The following SH3RF3 variants were observed in gnomAD, a reference collection of about 807,000 sequenced individuals.
The protein encoded by SH3RF3 is E3 ubiquitin-protein ligase SH3RF3.
A neutral mutation model predicts 66.3 loss-of-function variants in SH3RF3; 29 were observed. The ratio of observed to expected loss-of-function variants is 0.44; its 90% CI spans 0.33 to 0.60. The LOEUF is 0.60. Ranked by LOEUF, SH3RF3 falls within the 20% of genes least tolerant of loss-of-function variation. The pLI is 0.04. For synonymous variants in SH3RF3, 583 were observed against 532.0 expected (o/e 1.10, Z -1.32); for missense variants, 1,194 against 1,190.9 (o/e 1.00, Z -0.04).
chr2:109,431,819 T>C (rs1201943279), intron 5 of SH3RF3, among the ~76,000 whole-genome samples: 1 of 152,030 alleles, frequency 6.6e-6, no homozygotes, highest in Non-Finnish European at 1.5e-5. Context: ...TGCAGTGAGC[T>C]ATGCTTGTAC....
intron 1 of SH3RF3, among the ~76,000 whole-genome samples, chr2:109,203,093 A>G (rs554826359): frequency 1.3e-5 from 2 of 152,190 alleles, no homozygotes; most frequent in Admixed American, 1.3e-4. Flanking sequence ...AGCCTGGAAC[A>G]CTGGTGGCCC....
At chr2:109,276,991 G>C (rs1203750645) in intron 1 of SH3RF3, among the ~76,000 whole-genome samples, 1 of 152,132 alleles carries the variant, frequency 6.6e-6, no homozygotes, top group East Asian at 1.9e-4. Context: ...AGGAGCAGTG[G>C]GCAAATGGAC....
At chr2:109,497,620 G>A (rs972949776) in intron 9 of SH3RF3, among the ~76,000 whole-genome samples, 1 of 152,160 alleles carries the variant, frequency 6.6e-6, no homozygotes, top group African/African-American at 2.4e-5. Context: ...ACACGACAAC[G>A]GCGCTCTGTG....
At chr2:109,172,948 T>C (rs552089585) in intron 1 of SH3RF3, among the ~76,000 whole-genome samples, 1 of 152,388 alleles carries the variant, frequency 6.6e-6, no homozygotes, top group South Asian at 2.1e-4. Context: ...GACTGGTAGC[T>C]GTGGGAACAC....
intron 4 of SH3RF3, among the ~76,000 whole-genome samples, chr2:109,416,630 G>A (rs560335974): frequency 6.6e-6 from 1 of 151,658 alleles, no homozygotes; most frequent in East Asian, 2.0e-4. Context: ...TGATCTGCCC[G>A]CCTCAGCCTC....
intron 1 of SH3RF3, among the ~76,000 whole-genome samples, chr2:109,189,736 G>A (rs927932530): frequency 6.6e-6 from 1 of 152,146 alleles, no homozygotes; most frequent in African/African-American, 2.4e-5. Context: ...TTTTAGGTTT[G>A]CATCATTATC....
chr2:109,391,915 T>G (rs542830223), intron 3 of SH3RF3, among the ~76,000 whole-genome samples: 1 of 152,114 alleles, frequency 6.6e-6, no homozygotes, highest in South Asian at 2.1e-4. Flanking sequence ...CCTCTCAGGC[T>G]CAAGCGATCC....
intron 1 of SH3RF3, among the ~76,000 whole-genome samples, chr2:109,311,821 T>C (rs931567739): frequency 6.6e-6 from 1 of 152,014 alleles, no homozygotes; most frequent in African/African-American, 2.4e-5. Context: ...TTTACTAAAA[T>C]GGTGGTTTGT....
In SH3RF3 at chr2:109,369,181, TA is replaced by T. The variant is rs748661837; in HGVS notation, c.850-2388del. The stretch of plus-strand genomic sequence containing the variant: ...AACATGGTGAAACCCCGTCTCTTCT[TA>T]AAAAAAAAAAAAAAAATTAGCCGGG... On this transcript the variant is annotated intron_variant, in intron 2 of 9. Coordinates refer to ENST00000309415, the MANE Select transcript of SH3RF3 (RefSeq NM_001099289.3). Among the ~76,000 whole-genome samples, 724 of 137,976 alleles carry T rather than the reference TA, an allele frequency of 5.2e-3. 2 individuals carry two copies. Among genetic ancestry groups the T allele is most frequent in the Middle Eastern group, 0.011 (3 of 266 alleles). 90.5% of individuals were successfully genotyped at this position (137,976 alleles called of 152,430 possible).
rs143655000 is a variant in SH3RF3, at chr2:109,292,827, G to T, written c.574-54847G>T. ...GGCTCACTGCAACCTCTGCCTCCCAGGTTAAAGCGATTCTCTTGCCTCAGC... is the reference window on the plus strand; with the variant it reads ...GGCTCACTGCAACCTCTGCCTCCCATGTTAAAGCGATTCTCTTGCCTCAGC... On this transcript the variant is annotated intron_variant, in intron 1 of 9. Transcript: ENST00000309415. Among the ~76,000 whole-genome samples the T allele has an allele frequency of 2.3e-3, 356 of 152,288 alleles. 1 individual carries two copies. The highest frequency in any genetic ancestry group is 8.2e-3 in the African/African-American group (339 of 41,562).
In SH3RF3 at chr2:109,449,029, G is replaced by A. The variant is rs991645341; in HGVS notation, c.1829-141G>A. On this transcript the variant is annotated intron_variant, in intron 7 of 9. Transcript: ENST00000309415. ...GGCCTGTTTCTCCATCTGTGAAGAGGCCAGGTCTGTCTGGAGAAACTTCAG... is the reference window on the plus strand; with the variant it reads ...GGCCTGTTTCTCCATCTGTGAAGAGACCAGGTCTGTCTGGAGAAACTTCAG... 12 of 978,164 alleles carry A rather than the reference G, an allele frequency of 1.2e-5. No individual in the cohort carries two copies. The Admixed American group carries it at 3.1e-4, about 25-fold the overall frequency. The allele number at this position is 978,164 out of a possible 1,614,324, so 60.6% of individuals were successfully genotyped here. A position where few individuals can be genotyped will look rare whatever the true frequency, so the allele number is the denominator to read the frequency against.
At chr2:109,143,533 A>G (rs995636560) in intron 1 of SH3RF3, among the ~76,000 whole-genome samples, 2 of 152,152 alleles carry the variant, frequency 1.3e-5, no homozygotes, top group Non-Finnish European at 2.9e-5. Context: ...GCTTCAGCCC[A>G]GGAGCTTGAG....
At chr2:109,454,817 G>T (rs940078833) in intron 8 of SH3RF3, among the ~76,000 whole-genome samples, 1 of 151,918 alleles carries the variant, frequency 6.6e-6, no homozygotes, top group Non-Finnish European at 1.5e-5. Flanking sequence ...GACAACCCCA[G>T]CCCATAGAAG....
chr2:109,424,661 T>C (rs1244719694), intron 5 of SH3RF3, among the ~76,000 whole-genome samples: 1 of 152,216 alleles, frequency 6.6e-6, no homozygotes, highest in East Asian at 1.9e-4. Context: ...GTTACTGTTA[T>C]GGAGTTGTTT....
chr2:109,372,449 G>A (rs1339468207), intron 3 of SH3RF3, among the ~76,000 whole-genome samples: 2 of 152,184 alleles, frequency 1.3e-5, no homozygotes, highest in Admixed American at 6.5e-5. Context: ...AACCACCAGC[G>A]TCATCCCATA....
chr2:109,143,734 A>G (rs1180451605), intron 1 of SH3RF3, among the ~76,000 whole-genome samples: 1 of 150,696 alleles, frequency 6.6e-6, no homozygotes, highest in Non-Finnish European at 1.5e-5. Flanking sequence ...AGCCTGGGCA[A>G]CAGAGTGACA....
Position 109,229,848 on chromosome 2 carries a change from G to A in SH3RF3, c.573+99735G>A, listed in dbSNP as rs550968820. ...TTTCTTTTTTTTTTTTTTTTGAGGC[G>A]GAGTCTCGCTCTGTTGCCCAGGCTG... On this transcript the variant is annotated intron_variant, in intron 1 of 9. Coordinates refer to ENST00000309415, the MANE Select transcript of SH3RF3 (RefSeq NM_001099289.3). 3.9e-3 allele frequency among the ~76,000 whole-genome samples: 559 copies of A among 142,864 alleles called. 4 individuals are homozygous for A. The highest frequency in any genetic ancestry group is 8.2e-3 in the South Asian group (38 of 4,616). 93.7% of individuals were successfully genotyped at this position (142,864 alleles called of 152,430 possible).
intron 8 of SH3RF3, among the ~76,000 whole-genome samples, chr2:109,489,162 T>C (rs929426516): frequency 2.0e-5 from 3 of 152,354 alleles, no homozygotes; most frequent in Middle Eastern, 3.4e-3. Context: ...TCCCTCTCTA[T>C]TGCATAAGCA....
rs75636107 is a variant in SH3RF3 at position 109,366,252 on chromosome 2, G to A, written c.850-5334G>A. 3.3e-5 allele frequency among the ~76,000 whole-genome samples: 5 copies of A among 152,042 alleles called. No individual in the cohort carries two copies. In the East Asian group the frequency reaches 9.6e-4, roughly 29 times the overall value. On this transcript the variant is annotated intron_variant, in intron 2 of 9. Coordinates refer to ENST00000309415, the MANE Select transcript of SH3RF3 (RefSeq NM_001099289.3). ...CACTTTATGGGCACCATGCAAATGG[G>A]TTTGTATCTTACTTTGCTTTTTTCG...
Sources: gnomAD v4.1 joint callset for allele counts (sites outside exome capture counted in the v4.1 genomes callset) on GRCh38, gnomAD v4.1.1 for gene constraint, MANE v1.5 for transcripts, NCBI Gene and HGNC (gene_info 2026-07-23, HGNC 2026-07-21) for gene names.